RPS6KA2: variants seen among roughly 807,000 people sequenced by gnomAD.
RPS6KA2 encodes the protein ribosomal protein S6 kinase A2.
In RPS6KA2, 42 loss-of-function variants were observed where a neutral mutation model predicts 91.8. The ratio of observed to expected loss-of-function variants is 0.46; its 90% confidence interval spans 0.36 to 0.59. The LOEUF is 0.59. Among genes scored for constraint, RPS6KA2 ranks in the 20% least tolerant of loss-of-function variants. The pLI is 0.00. For synonymous variants in RPS6KA2, 414 were observed against 393.6 expected (o/e 1.05, Z -0.61); for missense variants, 798 against 978.5 (o/e 0.82, Z 2.46).
At chr6:166,550,171 TG>T in intron 1 of RPS6KA2, among the ~76,000 whole-genome samples, 1 of 152,244 alleles carries the variant, frequency 6.6e-6, no homozygotes, top group East Asian at 1.9e-4. Context: ...TTCTCCCCTT[TG>T]TTTTCTGAAT....
intron 1 of RPS6KA2, among the ~76,000 whole-genome samples, chr6:166,555,342 C>T (rs1448624776): frequency 6.6e-6 from 1 of 152,172 alleles, no homozygotes; most frequent in South Asian, 2.1e-4. Flanking sequence ...GGCTCTCCGA[C>T]CTTGGAGCCA....
chr6:166,755,830 C>G (rs909360598), intron 2 of RPS6KA2, among the ~76,000 whole-genome samples: 1 of 152,146 alleles, frequency 6.6e-6, no homozygotes, highest in African/African-American at 2.4e-5. Flanking sequence ...CAAGATGTAA[C>G]GGACTCAGGG....
intron 1 of RPS6KA2, among the ~76,000 whole-genome samples, chr6:166,594,933 T>C (rs1785490487): frequency 6.6e-6 from 1 of 152,246 alleles, no homozygotes; most frequent in African/African-American, 2.4e-5. Context: ...GAAGGAGATC[T>C]GGAAACTGGG....
intron 1 of RPS6KA2, among the ~76,000 whole-genome samples, chr6:166,564,230 C>T (rs908948162): frequency 2.0e-5 from 3 of 152,164 alleles, no homozygotes; most frequent in Non-Finnish European, 4.4e-5. Flanking sequence ...GCTTGTCACC[C>T]GCATCATTCG....
chr6:166,702,679 A>G (rs1361507519), intron 2 of RPS6KA2: 12 of 1,456,044 alleles, frequency 8.2e-6, no homozygotes, highest in African/African-American at 5.6e-5. Context: ...AAGCGCCTCA[A>G]TGGCCTTGAG....
intron 2 of RPS6KA2, among the ~76,000 whole-genome samples, chr6:166,699,442 A>C (rs1020047862): frequency 7.2e-5 from 11 of 152,260 alleles, no homozygotes; most frequent in Non-Finnish European, 1.5e-5. Context: ...ATCATTTTCA[A>C]AATGTCTAAT....
At chr6:166,596,159 T>A (rs768112515) in intron 1 of RPS6KA2, among the ~76,000 whole-genome samples, 2 of 152,070 alleles carry the variant, frequency 1.3e-5, no homozygotes, top group African/African-American at 4.8e-5. Flanking sequence ...CAGACAGGGG[T>A]CACAGGCCAT....
rs80121163 is a variant in RPS6KA2, at chr6:166,849,381, G to A, written c.123+8819C>T. Among the ~76,000 whole-genome samples, 2,559 of 152,254 alleles carry A rather than the reference G, an allele frequency of 0.017. 83 individuals are homozygous for A. Among genetic ancestry groups the A allele is most frequent in the African/African-American group, 0.059 (2,437 of 41,534 alleles). On this transcript the variant is annotated intron_variant, in intron 2 of 21. Coordinates refer to the RPS6KA2 transcript ENST00000503859. The surrounding 1 kb of genome is among the most constrained non-coding windows in gnomAD (Gnocchi z 4.9). ...CTTGTTGAGCTAGTTGTTTATTTGC[G>A]AGGATGCTAAAATATAAGATTCGTG...
chr6:166,730,543 T>C (rs1790479720), intron 2 of RPS6KA2, among the ~76,000 whole-genome samples: 1 of 152,224 alleles, frequency 6.6e-6, no homozygotes, highest in Admixed American at 6.5e-5. Context: ...CTGCGTGTCA[T>C]AGAACCAACT....
Position 166,807,073 on chromosome 6 carries a change from A to T in RPS6KA2, c.123+51127T>A, listed in dbSNP as rs181303745. ...TCAACTAAACACAAAAGAAAACAGC[A>T]ATGCAGAAAATGAGAGACAAAACGC... On this transcript the variant is annotated intron_variant, in intron 2 of 21. Coordinates refer to the RPS6KA2 transcript ENST00000503859. 1.2e-3 allele frequency among the ~76,000 whole-genome samples: 182 copies of T among 152,378 alleles called. 1 individual carries two copies. Among genetic ancestry groups the T allele is most frequent in the Non-Finnish European group, 6.3e-4 (43 of 68,036 alleles).
At chr6:166,851,324 A>G (rs1376037826) in intron 2 of RPS6KA2, among the ~76,000 whole-genome samples, 4 of 152,224 alleles carry the variant, frequency 2.6e-5, no homozygotes, top group East Asian at 1.9e-4. Context: ...TGCTCCGCAC[A>G]CTAGACACAG....
intron 2 of RPS6KA2, among the ~76,000 whole-genome samples, chr6:166,758,826 C>T (rs780060367): frequency 1.3e-5 from 2 of 152,132 alleles, no homozygotes; most frequent in Non-Finnish European, 1.5e-5. Flanking sequence ...TGCTAAAAGA[C>T]GGGGCCCTGT....
At chr6:166,704,059 T>C (rs1203785789) in intron 2 of RPS6KA2, among the ~76,000 whole-genome samples, 1 of 152,246 alleles carries the variant, frequency 6.6e-6, no homozygotes, top group Non-Finnish European at 1.5e-5. Context: ...TGCAGAAAGC[T>C]GAGGAGCCAG....
intron 1 of RPS6KA2, among the ~76,000 whole-genome samples, chr6:166,547,165 C>A (rs752597027): frequency 7.2e-5 from 11 of 152,134 alleles, no homozygotes; most frequent in Non-Finnish European, 1.5e-4. Context: ...CAGAGGGACG[C>A]TTGCTGGGGT....
chr6:166,422,316 C>T (rs1016934354), intron 17 of RPS6KA2, among the ~76,000 whole-genome samples: 3 of 152,224 alleles, frequency 2.0e-5, no homozygotes, highest in Non-Finnish European at 4.4e-5. Context: ...CGTCTCAGCA[C>T]GCAGAAGCAT....
intron 2 of RPS6KA2, among the ~76,000 whole-genome samples, chr6:166,695,270 C>T (rs181561141): frequency 1.3e-5 from 2 of 152,256 alleles, no homozygotes; most frequent in East Asian, 3.9e-4. Context: ...GAGAAGTGTG[C>T]AGAGCAGCCC....
At chr6:166,779,481 G>A (rs1203478744) in intron 2 of RPS6KA2, among the ~76,000 whole-genome samples, 2 of 152,190 alleles carry the variant, frequency 1.3e-5, no homozygotes, top group Admixed American at 1.3e-4. Context: ...ATTGGAGGAG[G>A]GGCCTGGGAG....
At chr6:166,836,860 C>A (rs1780330234) in intron 2 of RPS6KA2, among the ~76,000 whole-genome samples, 1 of 152,176 alleles carries the variant, frequency 6.6e-6, no homozygotes. Context: ...CCAAGCTGGC[C>A]CACCTCGGTC....
chr6:166,516,215 G>A (rs1036522160), intron 3 of RPS6KA2, among the ~76,000 whole-genome samples: 19 of 152,214 alleles, frequency 1.2e-4, no homozygotes, highest in Admixed American at 6.5e-4. Flanking sequence ...CCTCTCCCCC[G>A]TTACAGCCTC....
Sources: allele counts gnomAD v4.1 joint callset (sites outside exome capture counted in the v4.1 genomes callset), GRCh38; gene constraint gnomAD v4.1.1; non-coding constraint Gnocchi (gnomAD v3.1); transcripts MANE v1.5; gene names NCBI Gene and HGNC (gene_info 2026-07-23, HGNC 2026-07-21).